SPTA1: variants seen among roughly 807,000 people sequenced by gnomAD.
SPTA1 encodes spectrin alpha chain, erythrocytic 1.
A neutral mutation model predicts 324.7 loss-of-function variants in SPTA1; 177 were observed. The observed-to-expected ratio is 0.55, with a 90% confidence interval of 0.48 to 0.62. The LOEUF is 0.62. Ranked by LOEUF, SPTA1 falls within the 20% of genes least tolerant of loss-of-function variation. The pLI is 0.00. For missense variants in SPTA1, 3,162 were observed against 2,883.6 expected (o/e 1.10, Z -2.21); for synonymous variants, 1,195 against 1,041.3 (o/e 1.15, Z -2.84).
chr1:158,623,290 A>G (rs1650041626), intron 42 of SPTA1, 98 bp from the exon 43 acceptor site: 1 of 1,007,704 alleles, frequency 9.9e-7, no homozygotes, highest in Non-Finnish European at 1.6e-6. Context: ...AAGGCTAGGC[A>G]AGAATTAAGA....
chr1:158,652,652 A>G lies in SPTA1; in HGVS notation c.3190T>C (p.Tyr1064His), dbSNP rs529892277. The stretch of plus-strand genomic sequence containing the variant: ...TCTGCCCGATCCAAGAGGGAGCGGT[A>G]TCTGGATGGAGAATTGGGAAAAGTG... ...TQRQEQIENQ[Y>H]RSLLDRAEER... The change falls in exon 23 of 52, where the codon TAC (tyrosine) becomes CAC (histidine). Residue 1064 changes from tyrosine to histidine, a missense_variant and splice_region_variant. Coordinates refer to ENST00000643759, the MANE Select transcript of SPTA1 (RefSeq NM_003126.4). 60 of 1,614,150 alleles carry G rather than the reference A, an allele frequency of 3.7e-5. No homozygotes were observed. The East Asian group carries it at 5.8e-4, about 16-fold the overall frequency.
chr1:158,615,528 T>C, intron 47 of SPTA1, 125 bp from the exon 48 acceptor site: 2 of 958,096 alleles, frequency 2.1e-6, no homozygotes, highest in Non-Finnish European at 3.2e-6. Flanking sequence ...TGTGAAAAGA[T>C]GAACTACTTG....
rs1651844072 is a variant in SPTA1, at chr1:158,644,401, G to A, written c.4195-5C>T. 1 of 1,613,706 alleles carries A rather than the reference G, an allele frequency of 6.2e-7. No homozygotes were observed. The highest frequency in any genetic ancestry group is 8.5e-7 in the Non-Finnish European group (1 of 1,179,786). On this transcript the variant is annotated splice_region_variant and splice_polypyrimidine_tract_variant and intron_variant, in intron 29 of 51. Transcript: ENST00000643759. The stretch of plus-strand genomic sequence containing the variant: ...ATCACAGTTCCCCTGGAACATCTAT[G>A]AGGAATCAAATGAGAGGGGTATGGT...
At chr1:158,628,821 A>G (rs1004529596) in intron 39 of SPTA1, among the ~76,000 whole-genome samples, 1 of 152,120 alleles carries the variant, frequency 6.6e-6, no homozygotes, top group Non-Finnish European at 1.5e-5. Context: ...ATGCCAATAA[A>G]CTAGAATATC....
rs568168514 is a variant in SPTA1, at chr1:158,642,483, C to G, written c.4665G>C (p.Val1555=). The change falls in exon 33 of 52, where the codon GTG becomes GTC. Residue 1555 remains valine, a synonymous_variant. Coordinates refer to ENST00000643759, the MANE Select transcript of SPTA1 (RefSeq NM_003126.4). ...AGTTCCCCAGGTTGATGACGCCATG[C>G]ACCTGCTCAGATCGGCCATCGACTT... The part of the protein sequence containing the change: ...AHEVDGRSEQ[V]HGVINLGNSL... The G allele has an allele frequency of 8.1e-6, 13 of 1,613,656 alleles. No homozygotes were observed. The South Asian group carries it at 1.4e-4, about 18-fold the overall frequency.
At chr1:158,615,145 G>T in intron 48 of SPTA1, 71 bp downstream of exon 48, 2 of 1,569,844 alleles carry the variant, frequency 1.3e-6, no homozygotes, top group East Asian at 2.2e-5. Flanking sequence ...CCAAACTCTC[G>T]CCCTTAGTTA....
In SPTA1 at chr1:158,651,256, C is replaced by T. The variant is rs60747005; in HGVS notation, c.3477+111G>A. ...GTAGCTAATTCCATACTGCTGTTAC[C>T]TTCTGCATGTTCTAGTGGGTCTGCA... On this transcript the variant is annotated intron_variant, in intron 24 of 51. Coordinates refer to ENST00000643759, the MANE Select transcript of SPTA1 (RefSeq NM_003126.4). 3,056 of 784,282 alleles carry T rather than the reference C, an allele frequency of 3.9e-3. 58 individuals are homozygous for T. In the African/African-American group the frequency reaches 0.045, roughly 12 times the overall value. 48.6% of individuals were successfully genotyped at this position (784,282 alleles called of 1,614,324 possible). A position where few individuals can be genotyped will look rare whatever the true frequency, so the allele number is the denominator to read the frequency against.
At chr1:158,651,184 C>A (rs1404373267) in intron 24 of SPTA1, among the ~76,000 whole-genome samples, 183 bp downstream of exon 24, 1 of 152,148 alleles carries the variant, frequency 6.6e-6, no homozygotes, top group Non-Finnish European at 1.5e-5. Context: ...TTAATTTAGA[C>A]AACAAAAATA....
chr1:158,644,398 T>G lies in SPTA1; in HGVS notation c.4195-2A>C. ...TTGATCACAGTTCCCCTGGAACATC[T>G]ATGAGGAATCAAATGAGAGGGGTAT... On this transcript the variant is annotated splice_acceptor_variant, in intron 29 of 51. Coordinates refer to ENST00000643759, the MANE Select transcript of SPTA1 (RefSeq NM_003126.4). LOFTEE classifies it high-confidence loss of function. 1 of 1,613,718 alleles carries G rather than the reference T, an allele frequency of 6.2e-7. No individual in the cohort carries two copies. The highest frequency in any genetic ancestry group is 8.5e-7 in the Non-Finnish European group (1 of 1,179,804).
At chr1:158,685,415 T>C (rs926813031) in intron 1 of SPTA1, 68 bp from the exon 2 acceptor site, 13 of 1,597,656 alleles carry the variant, frequency 8.1e-6, no homozygotes, top group Non-Finnish European at 8.5e-6. Flanking sequence ...CGCTTATATG[T>C]GTCAAGGTGT....
intron 12 of SPTA1, 71 bp downstream of exon 12, chr1:158,671,271 TG>T: frequency 9.3e-7 from 1 of 1,079,310 alleles, no homozygotes; most frequent in Non-Finnish European, 1.4e-6. Context: ...CAATGCTGTC[TG>T]GGGACAGGTA....
rs571886325 is a variant in SPTA1 at position 158,666,260 on chromosome 1, G to A, written c.2220+56C>T. 2.6e-5 allele frequency: 41 copies of A among 1,574,338 alleles called. No individual in the cohort carries two copies. In the African/African-American group the frequency reaches 3.5e-4, roughly 14 times the overall value. On this transcript the variant is annotated intron_variant, in intron 16 of 51. Transcript: ENST00000643759. ...AATTACTTATTACTTAATAACGAGT[G>A]TGCTCAGAGCATATACACCCATTGC...
chr1:158,671,528 C>A (rs2101915155), intron 11 of SPTA1, 75 bp from the exon 12 acceptor site: 1 of 1,203,552 alleles, frequency 8.3e-7, no homozygotes, highest in Non-Finnish European at 1.2e-6. Flanking sequence ...ATCTCTGAGA[C>A]AAGGACTAAG....
In SPTA1 at chr1:158,671,323, A is replaced by G. The variant is rs1299661574; in HGVS notation, c.1599+20T>C. 1 of 1,605,042 alleles carries G rather than the reference A, an allele frequency of 6.2e-7. No individual in the cohort carries two copies. The highest frequency in any genetic ancestry group is 1.1e-5 in the South Asian group (1 of 90,600). On this transcript the variant is annotated intron_variant, in intron 12 of 51. Coordinates refer to ENST00000643759, the MANE Select transcript of SPTA1 (RefSeq NM_003126.4). ...TATACAGAGAGGGAGCCAATGCCCA[A>G]ACTAGGGCCAATTTCTTACTATGAT...
chr1:158,624,486 G>T (rs1238679599), intron 42 of SPTA1, among the ~76,000 whole-genome samples: 4 of 152,146 alleles, frequency 2.6e-5, no homozygotes, highest in Non-Finnish European at 4.4e-5. Context: ...CTGTCCTGTT[G>T]GATTTCAGAC....
At chr1:158,657,915 G>A (rs1652941165) in intron 18 of SPTA1, among the ~76,000 whole-genome samples, 1 of 152,148 alleles carries the variant, frequency 6.6e-6, no homozygotes, top group Non-Finnish European at 1.5e-5. Context: ...TGAATGGGTT[G>A]GTATTGTCTG....
chr1:158,643,471 T>G (rs761195196), intron 30 of SPTA1, 46 bp from the exon 31 acceptor site: 4 of 1,573,270 alleles, frequency 2.5e-6, no homozygotes, highest in Non-Finnish European at 3.5e-6. Context: ...GAGATTAGGC[T>G]CTTGGTGCAA....
intron 46 of SPTA1, 89 bp downstream of exon 46, chr1:158,617,950 A>T (rs1013810025): frequency 1.6e-6 from 2 of 1,255,208 alleles, no homozygotes; most frequent in African/African-American, 2.9e-5. Flanking sequence ...TTACAATGGA[A>T]TGAAAATGTC....
intron 38 of SPTA1, among the ~76,000 whole-genome samples, 193 bp from the exon 39 acceptor site, chr1:158,634,868 C>T (rs1421153236): frequency 1.3e-5 from 2 of 152,156 alleles, no homozygotes; most frequent in East Asian, 1.9e-4. Flanking sequence ...ATGGAGGAGA[C>T]GCCTGCTCTA....
Sources: gnomAD v4.1 joint callset for allele counts (sites outside exome capture counted in the v4.1 genomes callset) on GRCh38, gnomAD v4.1.1 for gene constraint, MANE v1.5 for transcripts, NCBI Gene and HGNC (gene_info 2026-07-23, HGNC 2026-07-21) for gene names.